SH3GL2: variants seen among roughly 807,000 people sequenced by gnomAD.
SH3GL2 encodes the protein SH3 domain containing GRB2 like 2, endophilin A1, also known as endophilin-A1.
In SH3GL2, 24 loss-of-function variants were observed where a neutral mutation model predicts 46.0. The observed-to-expected ratio is 0.52, with a 90% CI of 0.38 to 0.73. The LOEUF (loss-of-function observed/expected upper bound fraction) is 0.73, where lower values mean the gene tolerates loss of function less well. Ranked by LOEUF, SH3GL2 falls within the 30% of genes least tolerant of loss-of-function variation. The probability of loss-of-function intolerance (pLI) is 0.00; values close to 1 mark genes in which losing one functional copy is unlikely to be tolerated. For missense variants in SH3GL2, 413 were observed against 424.2 expected, an observed-to-expected ratio of 0.97 and a Z score of 0.23; for synonymous variants, 196 against 147.1, an observed-to-expected ratio of 1.33 and a Z score of -2.40.
At chr9:17,595,834 A>G (rs905800302) in intron 1 of SH3GL2, among the ~76,000 whole-genome samples, 2 of 152,238 alleles carry the variant, frequency 1.3e-5, no homozygotes, top group African/African-American at 4.8e-5. Context: ...GATGGTAGCT[A>G]AAATGCACTG....
At chr9:17,615,139 T>G (rs1818958139) in intron 1 of SH3GL2, among the ~76,000 whole-genome samples, 1 of 152,200 alleles carries the variant, frequency 6.6e-6, no homozygotes. Context: ...CGGCTGTGTG[T>G]TTATTGCACA....
intron 1 of SH3GL2, among the ~76,000 whole-genome samples, chr9:17,591,977 A>G (rs975012366): frequency 5.9e-5 from 9 of 152,268 alleles, no homozygotes; most frequent in Non-Finnish European, 1.3e-4. Context: ...AAACAGAACC[A>G]ACATGATATG....
At chr9:17,585,135 GCATA>G (rs1818349204) in intron 1 of SH3GL2, among the ~76,000 whole-genome samples, 2 of 152,138 alleles carry the variant, frequency 1.3e-5, no homozygotes, top group Non-Finnish European at 2.9e-5. Flanking sequence ...CTCTTGTGCT[GCATA>G]CAGAGTCTCA....
chr9:17,670,730 A>G (rs1375854492), intron 1 of SH3GL2, among the ~76,000 whole-genome samples: 3 of 152,116 alleles, frequency 2.0e-5, no homozygotes, highest in African/African-American at 7.2e-5. Context: ...GAATTTCTCA[A>G]TTATTCTTTT....
Position 17,743,599 on chromosome 9 carries a change from CA to C in SH3GL2, c.46-3466del, listed in dbSNP as rs879409476. Among the ~76,000 whole-genome samples, 19 of 151,746 alleles carry C rather than the reference CA, an allele frequency of 1.3e-4. No individual in the cohort carries two copies. The South Asian group carries it at 1.3e-3, about 10-fold the overall frequency. On this transcript the variant is annotated intron_variant, in intron 1 of 8. Coordinates refer to ENST00000380607, the MANE Select transcript of SH3GL2 (RefSeq NM_003026.5). ...ACACACACACACACACACACACACA[CA>C]CCCCAAATAGTTAAAGCCAATGGAT...
chr9:17,750,226 C>A (rs1822804997), intron 2 of SH3GL2, among the ~76,000 whole-genome samples: 1 of 151,898 alleles, frequency 6.6e-6, no homozygotes, highest in Non-Finnish European at 1.5e-5. Flanking sequence ...TGTTCCCAAG[C>A]AGACAGAAGA....
chr9:17,696,863 C>T (rs1821215675), intron 1 of SH3GL2, among the ~76,000 whole-genome samples: 1 of 152,184 alleles, frequency 6.6e-6, no homozygotes, highest in Non-Finnish European at 1.5e-5. Context: ...CAAAATTGCT[C>T]TCCACATGCA....
chr9:17,588,984 A>T (rs1818429950), intron 1 of SH3GL2, among the ~76,000 whole-genome samples: 3 of 152,188 alleles, frequency 2.0e-5, no homozygotes, highest in Admixed American at 1.3e-4. Flanking sequence ...GTTTTTGGTT[A>T]AAAAGCTAGC....
At chr9:17,670,884 T>G (rs546717708) in intron 1 of SH3GL2, among the ~76,000 whole-genome samples, 1 of 152,334 alleles carries the variant, frequency 6.6e-6, no homozygotes, top group East Asian at 1.9e-4. Context: ...AAGCACAGAT[T>G]GCTAGGCCTT....
At position 17,676,011 on chromosome 9, in the gene SH3GL2, C is replaced by T. The variant is rs1820600009; in HGVS notation, c.46-71055C>T. ...CATATTGGATTTGGTCTACTGATGA[C>T]TTTTTTTCCTGGAGTTCTTAGAAGC... On this transcript the variant is annotated intron_variant, in intron 1 of 8. Transcript: ENST00000380607. Among the ~76,000 whole-genome samples the T allele has an allele frequency of 2.6e-5, 4 of 152,148 alleles. No individual in the cohort carries two copies. In the South Asian group the frequency reaches 8.3e-4, roughly 32 times the overall value.
chr9:17,737,097 C>G (rs1311391031), intron 1 of SH3GL2, among the ~76,000 whole-genome samples: 2 of 152,034 alleles, frequency 1.3e-5, no homozygotes, highest in Non-Finnish European at 2.9e-5. Flanking sequence ...CAAACTAACA[C>G]AGGAACAGAA....
chr9:17,786,462 A>C lies in SH3GL2; in HGVS notation c.269A>C (p.Glu90Ala). 1 of 1,613,574 alleles carries C rather than the reference A, an allele frequency of 6.2e-7. No homozygotes were observed. Among genetic ancestry groups the C allele is most frequent in the Non-Finnish European group, 8.5e-7 (1 of 1,179,672 alleles). Residue 90 changes from glutamate (E) to alanine (A), a missense_variant, in exon 4 of 9, where the codon GAG (glutamate) becomes GCG (alanine). Transcript: ENST00000380607. ...AAGGGGCCAGGCTATCCTCAGGCAG[A>C]GGCGCTGCTGGCAGAGGCCATGCTC... Reference protein sequence around the residue: ...QEKGPGYPQAEALLAEAMLKF... With the variant: ...QEKGPGYPQAAALLAEAMLKF...
At chr9:17,728,878 A>G (rs970841743) in intron 1 of SH3GL2, among the ~76,000 whole-genome samples, 2 of 152,024 alleles carry the variant, frequency 1.3e-5, no homozygotes, top group Admixed American at 6.6e-5. Flanking sequence ...TCTATCATTG[A>G]TGGGCATTTG....
intron 1 of SH3GL2, chr9:17,590,439 C>T (rs1818460185): frequency 6.6e-6 from 1 of 152,160 alleles, no homozygotes; most frequent in African/African-American, 2.4e-5. Flanking sequence ...TAAGTTCTGT[C>T]TCCCATTTCA....
intron 1 of SH3GL2, among the ~76,000 whole-genome samples, chr9:17,608,378 C>T (rs761143229): frequency 3.9e-4 from 59 of 152,098 alleles, no homozygotes; most frequent in Non-Finnish European, 7.2e-4. Context: ...GATCTCCTGA[C>T]CTCGTGATCT....
intron 1 of SH3GL2, among the ~76,000 whole-genome samples, chr9:17,654,695 C>T (rs919978037): frequency 3.3e-5 from 5 of 152,152 alleles, no homozygotes; most frequent in Non-Finnish European, 7.3e-5. Flanking sequence ...GTTTAATTAT[C>T]ACTGACTGTA....
chr9:17,792,405 G>T (rs367585629), intron 7 of SH3GL2, among the ~76,000 whole-genome samples: 1 of 152,122 alleles, frequency 6.6e-6, no homozygotes, highest in African/African-American at 2.4e-5. Flanking sequence ...TATGTTCAAA[G>T]TCAGTATCAT....
At chr9:17,677,014 C>A (rs1477520784) in intron 1 of SH3GL2, among the ~76,000 whole-genome samples, 2 of 152,096 alleles carry the variant, frequency 1.3e-5, no homozygotes, top group Non-Finnish European at 2.9e-5. Context: ...TAGGTCTGCT[C>A]AGAGGAGATC....
At chr9:17,593,557 C>A (rs1457696096) in intron 1 of SH3GL2, among the ~76,000 whole-genome samples, 1 of 152,122 alleles carries the variant, frequency 6.6e-6, no homozygotes, top group East Asian at 1.9e-4. Flanking sequence ...TACAAGGACA[C>A]AAGAATGTAC....
Sources: gnomAD v4.1 joint callset for allele counts (sites outside exome capture counted in the v4.1 genomes callset) on GRCh38, gnomAD v4.1.1 for gene constraint, MANE v1.5 for transcripts, NCBI Gene and HGNC (gene_info 2026-07-23, HGNC 2026-07-21) for gene names.